The following CSMD1 variants were observed in gnomAD, a reference collection of about 807,000 sequenced individuals.
The protein encoded by CSMD1 is CUB and sushi domain-containing protein 1.
A neutral mutation model predicts 417.5 loss-of-function variants in CSMD1; 213 were observed. That is an observed-to-expected ratio of 0.51 (90% CI 0.46 to 0.57). The LOEUF (loss-of-function observed/expected upper bound fraction) is 0.57. Among genes scored for constraint, CSMD1 ranks in the 20% least tolerant of loss-of-function variants. The pLI is 0.00. For synonymous variants in CSMD1, 2,862 were observed against 1,736.8 expected (o/e 1.65, Z -16.11); for missense variants, 6,923 against 4,529.7 (o/e 1.53, Z -15.17).
intron 8 of CSMD1, among the ~76,000 whole-genome samples, chr8:3,602,766 A>C (rs1801424518): frequency 1.3e-5 from 2 of 151,962 alleles, no homozygotes; most frequent in Admixed American, 6.6e-5. Context: ...GTGTTACAGA[A>C]GGTCATTTTG....
chr8:3,218,626 C>G (rs185581289), intron 29 of CSMD1, among the ~76,000 whole-genome samples: 3 of 151,536 alleles, frequency 2.0e-5, no homozygotes, highest in Non-Finnish European at 2.9e-5. Context: ...AATCACAGCA[C>G]TTTGGGAGGC....
At chr8:3,231,457 C>G (rs1269678766) in intron 26 of CSMD1, among the ~76,000 whole-genome samples, 1 of 152,014 alleles carries the variant, frequency 6.6e-6, no homozygotes, top group Non-Finnish European at 1.5e-5. Context: ...AATGAGTAGG[C>G]TTTGCGTTTT....
Position 3,969,840 on chromosome 8 carries a change from A to G in CSMD1, c.818+28063T>C, listed in dbSNP as rs868725534. On this transcript the variant is annotated intron_variant, in intron 5 of 69. Transcript: ENST00000635120. ...GGGGAGATTTTTAAATGAAGTATCC[A>G]TCTATAAGTGCATTTCTAGAAAGCT... 3.3e-5 allele frequency among the ~76,000 whole-genome samples: 5 copies of G among 152,322 alleles called. No individual in the cohort carries two copies. In the South Asian group the frequency reaches 6.2e-4, roughly 19 times the overall value.
intron 2 of CSMD1, among the ~76,000 whole-genome samples, chr8:4,422,250 A>G (rs771044961): frequency 6.6e-6 from 1 of 152,118 alleles, no homozygotes; most frequent in African/African-American, 2.4e-5. Context: ...TCTCTTCCAG[A>G]AAGTGTAAGT....
At chr8:4,881,684 G>A (rs1342542666) in intron 1 of CSMD1, among the ~76,000 whole-genome samples, 1 of 151,894 alleles carries the variant, frequency 6.6e-6, no homozygotes, top group Non-Finnish European at 1.5e-5. Flanking sequence ...AAGGTATTCT[G>A]CAACCTCAGC....
rs1229905135 is a variant in CSMD1 at position 3,367,304 on chromosome 8, G to T, written c.2900-57C>A. 30 of 775,926 alleles carry T rather than the reference G, an allele frequency of 3.9e-5. No homozygotes were observed. In the South Asian group the frequency reaches 6.5e-4, roughly 17 times the overall value. The allele number at this position is 775,926 out of a possible 1,614,324, so 48.1% of individuals were successfully genotyped here. On this transcript the variant is annotated intron_variant, in intron 19 of 69. Transcript: ENST00000635120. Reference sequence around the variant, plus strand: ...GACAGAGAGAGACACACGGGGCGGCGGGGGCAGAGAGGGAGCGGGGCAGAG... The same window carrying T: ...GACAGAGAGAGACACACGGGGCGGCTGGGGCAGAGAGGGAGCGGGGCAGAG...
chr8:4,776,147 G>A (rs1388686360), intron 1 of CSMD1, among the ~76,000 whole-genome samples: 1 of 152,100 alleles, frequency 6.6e-6, no homozygotes, highest in African/African-American at 2.4e-5. Flanking sequence ...ACACCAAGGT[G>A]AAGAAGAGAT....
intron 25 of CSMD1, among the ~76,000 whole-genome samples, chr8:3,303,464 C>T: frequency 6.6e-6 from 1 of 152,194 alleles, no homozygotes. Context: ...ATGCTTTTGA[C>T]AACCTTGATA....
intron 41 of CSMD1, among the ~76,000 whole-genome samples, chr8:3,124,811 C>G (rs1182159622): frequency 1.3e-5 from 2 of 152,222 alleles, no homozygotes; most frequent in Non-Finnish European, 2.9e-5. Flanking sequence ...ATCTGCCAGT[C>G]AACATCATAA....
chr8:3,307,875 T>TA (rs1382578003), intron 24 of CSMD1, 54 bp from the exon 25 acceptor site: 2 of 1,578,650 alleles, frequency 1.3e-6, no homozygotes, highest in Non-Finnish European at 1.7e-6. Flanking sequence ...CACATGTTTC[T>TA]ATTTAGCTAC....
intron 18 of CSMD1, among the ~76,000 whole-genome samples, chr8:3,372,679 T>A (rs919984121): frequency 6.6e-6 from 1 of 152,012 alleles, no homozygotes; most frequent in Non-Finnish European, 1.5e-5. Flanking sequence ...GAGAACCAGG[T>A]CATGAGTGTA....
intron 1 of CSMD1, among the ~76,000 whole-genome samples, chr8:4,685,580 AG>A (rs1563139678): frequency 6.6e-6 from 1 of 150,930 alleles, no homozygotes; most frequent in Admixed American, 6.7e-5. Context: ...CTTCTTTAAA[AG>A]AAAAAAAGAA....
At chr8:3,861,420 T>G (rs867040602) in intron 5 of CSMD1, among the ~76,000 whole-genome samples, 1 of 152,178 alleles carries the variant, frequency 6.6e-6, no homozygotes, top group African/African-American at 2.4e-5. Flanking sequence ...GATTGGTAAA[T>G]TGCATCTGAC....
intron 5 of CSMD1, among the ~76,000 whole-genome samples, chr8:3,776,585 C>T (rs889818569): frequency 2.6e-5 from 4 of 152,116 alleles, no homozygotes; most frequent in Non-Finnish European, 2.9e-5. Flanking sequence ...CTTCTTCCTA[C>T]GGGACTTTTG....
At chr8:3,199,137 C>G (rs1042707829) in intron 33 of CSMD1, among the ~76,000 whole-genome samples, 14 of 152,064 alleles carry the variant, frequency 9.2e-5, no homozygotes, top group African/African-American at 3.4e-4. Context: ...TGAGCAATCT[C>G]AAATATTTTT....
chr8:3,810,048 C>A (rs890727081), intron 5 of CSMD1, among the ~76,000 whole-genome samples: 3 of 152,174 alleles, frequency 2.0e-5, no homozygotes, highest in African/African-American at 7.2e-5. Flanking sequence ...AGTCCTCTGT[C>A]ACACCTACAT....
chr8:4,494,705 C>G (rs775377417), intron 2 of CSMD1, among the ~76,000 whole-genome samples: 2 of 152,024 alleles, frequency 1.3e-5, no homozygotes, highest in Non-Finnish European at 2.9e-5. Flanking sequence ...CCTTTGAATT[C>G]CAGTCAGTTG....
chr8:4,236,786 A>G (rs1802091752), intron 3 of CSMD1, among the ~76,000 whole-genome samples: 1 of 152,210 alleles, frequency 6.6e-6, no homozygotes, highest in Non-Finnish European at 1.5e-5. Context: ...GTGGGCAATT[A>G]CTAAATAGTA....
chr8:4,781,835 G>A (rs900072055), intron 1 of CSMD1, among the ~76,000 whole-genome samples: 3 of 152,114 alleles, frequency 2.0e-5, no homozygotes, highest in Admixed American at 6.6e-5. Context: ...TCACGATGAC[G>A]GTTCCATATT....
Sources: allele counts gnomAD v4.1 joint callset (sites outside exome capture counted in the v4.1 genomes callset), GRCh38; gene constraint gnomAD v4.1.1; transcripts MANE v1.5; gene names NCBI Gene and HGNC (gene_info 2026-07-23, HGNC 2026-07-21).